AKR1C3: variants seen among roughly 807,000 people sequenced by gnomAD.
AKR1C3 encodes 3-alpha hydroxysteroid dehydrogenase, type II.
AKR1C3 carries 48 observed loss-of-function variants against 43.6 expected under a neutral mutation model. That is an observed-to-expected ratio of 1.10 (90% CI 0.87 to 1.40). AKR1C3 has a LOEUF of 1.40. AKR1C3 is among the 40% of genes most tolerant of loss of function. The pLI is 0.00. For synonymous variants in AKR1C3, 162 were observed against 139.6 expected (o/e 1.16, Z -1.13); for missense variants, 482 against 391.2 (o/e 1.23, Z -1.96).
intron 1 of AKR1C3, 138 bp from the exon 2 acceptor site, chr10:5,096,272 C>G: frequency 2.9e-6 from 3 of 1,052,152 alleles, no homozygotes; most frequent in Non-Finnish European, 4.0e-6. Flanking sequence ...AGGAAAGACT[C>G]AGGCAAACTG....
chr10:5,102,579 T>C lies in AKR1C3; in HGVS notation c.775T>C (p.Tyr259His). 1.3e-6 allele frequency: 2 copies of C among 1,557,090 alleles called. No homozygotes were observed. Among genetic ancestry groups the C allele is most frequent in the South Asian group, 2.4e-5 (2 of 84,516 alleles). The change falls in exon 7 of 9, where the codon TAC becomes CAC. Residue 259 changes from tyrosine to histidine, a missense_variant. By Grantham distance (83) the Tyr-to-His change is moderately conservative (BLOSUM62 2). Coordinates refer to ENST00000380554, the MANE Select transcript of AKR1C3 (RefSeq NM_003739.6). ...KRTPALIALR[Y>H]QLQRGVVVLA... ...AACCCCAGCCCTGATTGCCCTGCGC[T>C]ACCAGCTGCAGCGTGGGGTTGTGGT...
At chr10:5,049,212 T>C (rs1386636022) in intron 1 of AKR1C3, among the ~76,000 whole-genome samples, 1 of 152,324 alleles carries the variant, frequency 6.6e-6, no homozygotes, top group Non-Finnish European at 1.5e-5. Flanking sequence ...TCTTGGAAAT[T>C]GATGGCAATA....
chr10:5,081,286 T>C (rs1292974536), intron 1 of AKR1C3, among the ~76,000 whole-genome samples: 1 of 152,178 alleles, frequency 6.6e-6, no homozygotes, highest in African/African-American at 2.4e-5. Flanking sequence ...AGCTTTGATT[T>C]TGCTAAAAAC....
At chr10:5,073,327 G>T (rs1554781505) in intron 1 of AKR1C3, among the ~76,000 whole-genome samples, 5 of 152,090 alleles carry the variant, frequency 3.3e-5, no homozygotes, top group Non-Finnish European at 7.4e-5. Context: ...TTTGTAGAAT[G>T]GCAGGAGATT....
At chr10:5,083,811 T>C (rs375087514) in intron 1 of AKR1C3, among the ~76,000 whole-genome samples, 4 of 152,156 alleles carry the variant, frequency 2.6e-5, no homozygotes, top group African/African-American at 7.2e-5. Context: ...TTTTGATTTG[T>C]ATTTCTCTGA....
At chr10:5,085,536 C>G (rs1838945012) in intron 1 of AKR1C3, among the ~76,000 whole-genome samples, 1 of 151,716 alleles carries the variant, frequency 6.6e-6, no homozygotes, top group Non-Finnish European at 1.5e-5. Flanking sequence ...CTAAAATTCT[C>G]TTTTTTTGTT....
chr10:5,075,969 C>A (rs1297743027), intron 1 of AKR1C3, among the ~76,000 whole-genome samples: 1 of 152,022 alleles, frequency 6.6e-6, no homozygotes, highest in African/African-American at 2.4e-5. Flanking sequence ...GTTGCTGGGG[C>A]TAAGATATCC....
rs185775654 is a variant in AKR1C3 at position 5,072,760 on chromosome 10, T to A, written c.85-23650T>A. Among the ~76,000 whole-genome samples, 497 of 152,232 alleles carry A rather than the reference T, an allele frequency of 3.3e-3. 4 individuals are homozygous for A. Among genetic ancestry groups the A allele is most frequent in the Non-Finnish European group, 3.1e-3 (208 of 68,018 alleles). ...AGGATGGAGAATGTTATAAAAAGAA[T>A]GTTTGAAAGAATGTTATAAAAAATG... On this transcript the variant is annotated intron_variant, in intron 1 of 8. Coordinates refer to the AKR1C3 transcript ENST00000439082.
intron 1 of AKR1C3, among the ~76,000 whole-genome samples, chr10:5,080,256 T>G (rs1345056305): frequency 1.3e-5 from 2 of 152,158 alleles, no homozygotes; most frequent in African/African-American, 4.8e-5. Flanking sequence ...AAAATCGTGT[T>G]GAGAAAAAAA....
upstream of AKR1C3, among the ~76,000 whole-genome samples, chr10:5,090,352 C>T (rs1218293629): frequency 2.6e-5 from 4 of 152,126 alleles, no homozygotes; most frequent in African/African-American, 9.7e-5. Flanking sequence ...CACTGATCCA[C>T]AACCTGGGTA....
chr10:5,079,240 A>G (rs1171353947), intron 1 of AKR1C3, among the ~76,000 whole-genome samples: 4 of 152,146 alleles, frequency 2.6e-5, no homozygotes, highest in African/African-American at 4.8e-5. Flanking sequence ...GGGGCCCCCA[A>G]CTGAGGAGCT....
At chr10:5,101,361 C>T (rs1329931228) in intron 5 of AKR1C3, among the ~76,000 whole-genome samples, 4 of 152,060 alleles carry the variant, frequency 2.6e-5, no homozygotes, top group Admixed American at 2.6e-4. Flanking sequence ...TTTAGATAAT[C>T]ATTTTCAATT....
chr10:5,068,938 A>G (rs895563795), intron 1 of AKR1C3, among the ~76,000 whole-genome samples: 1 of 152,250 alleles, frequency 6.6e-6, no homozygotes, highest in South Asian at 2.1e-4. Flanking sequence ...ATATTTGAAC[A>G]TAACTTAGAC....
At chr10:5,102,801 C>T in intron 7 of AKR1C3, 151 bp downstream of exon 7, 1 of 1,464,838 alleles carries the variant, frequency 6.8e-7, no homozygotes, top group Non-Finnish European at 9.1e-7. Context: ...GTTTCTTCTA[C>T]TCTACCACGG....
At chr10:5,065,065 C>A (rs551833801) in intron 1 of AKR1C3, among the ~76,000 whole-genome samples, 1 of 152,016 alleles carries the variant, frequency 6.6e-6, no homozygotes, top group South Asian at 2.1e-4. Flanking sequence ...CAATGAGAAA[C>A]CATCTCATAC....
At chr10:5,049,028 C>G in intron 1 of AKR1C3, 1 of 685,860 alleles carries the variant, frequency 1.5e-6, no homozygotes, top group Non-Finnish European at 2.6e-6. Context: ...TAGGTTAAAG[C>G]TATACTGTAT....
chr10:5,106,060 A>G (rs1175300846), intron 8 of AKR1C3, among the ~76,000 whole-genome samples: 1 of 152,168 alleles, frequency 6.6e-6, no homozygotes, highest in Non-Finnish European at 1.5e-5. Context: ...TCAGCTCCTT[A>G]TCAAATCAAA....
chr10:5,077,643 G>A (rs1242996206), intron 1 of AKR1C3: 3 of 1,056,542 alleles, frequency 2.8e-6, no homozygotes, highest in Non-Finnish European at 3.4e-6. Context: ...TTTGGTTTTT[G>A]CTGAACATTC....
chr10:5,097,296 T>C (rs1288274510), intron 2 of AKR1C3, 138 bp from the exon 3 acceptor site: 8 of 1,042,242 alleles, frequency 7.7e-6, no homozygotes, highest in African/African-American at 4.8e-5. Context: ...AAAGGAATCA[T>C]GAGAAGGAAG....
Sources: gnomAD v4.1 joint callset for allele counts (sites outside exome capture counted in the v4.1 genomes callset) on GRCh38, gnomAD v4.1.1 for gene constraint, MANE v1.5 for transcripts, NCBI Gene and HGNC (gene_info 2026-07-23, HGNC 2026-07-21) for gene names.